Variants in PRC1 observed in about 807,000 individuals in gnomAD.
The protein encoded by PRC1 is protein regulator of cytokinesis 1, also known as anaphase spindle elongation 1 homolog.
In PRC1, 54 loss-of-function variants were observed where a neutral mutation model predicts 91.2. The observed-to-expected ratio is 0.59, with a 90% CI of 0.48 to 0.74. The LOEUF (loss-of-function observed/expected upper bound fraction) is 0.74, where lower values mean the gene tolerates loss of function less well. Ranked by LOEUF, PRC1 falls within the 30% of genes least tolerant of loss-of-function variation. PRC1 has a pLI of 0.00. For missense variants in PRC1, 727 were observed against 746.2 expected, an observed-to-expected ratio of 0.97 and a Z score of 0.30; for synonymous variants, 275 against 263.6, an observed-to-expected ratio of 1.04 and a Z score of -0.42.
chr15:90,970,355 C>A (rs1442756324), intron 12 of PRC1, 49 bp downstream of exon 12: 4 of 1,372,314 alleles, frequency 2.9e-6, no homozygotes, highest in Non-Finnish European at 4.1e-6. Context: ...TCTGGGTGAA[C>A]AGGCTAGGGA....
At position 90,976,665 on chromosome 15, in the gene PRC1, A is replaced by G. The variant is rs192254896; in HGVS notation, c.1203+11T>C. On this transcript the variant is annotated intron_variant, in intron 9 of 14. Transcript: ENST00000394249. ...TAACCAAGCATCAAAAACCCTTAGC[A>G]ACATTATTACCTTGGGCAGCATTTT... is the stretch of plus-strand genomic sequence containing the variant. The G allele has an allele frequency of 6.3e-6, 10 of 1,592,312 alleles. No individual in the cohort carries two copies. The highest frequency in any genetic ancestry group is 5.2e-6 in the Non-Finnish European group (6 of 1,161,974).
At chr15:90,985,221 G>A (rs974323664) in intron 1 of PRC1, among the ~76,000 whole-genome samples, 9 of 148,108 alleles carry the variant, frequency 6.1e-5, no homozygotes, top group African/African-American at 1.7e-4. Flanking sequence ...TTTTTTTGGT[G>A]TTTTTTTTTT....
Position 90,966,812 on chromosome 15 carries a change from G to A in PRC1, c.*319C>T, listed in dbSNP as rs752862153. On this transcript the variant is annotated 3_prime_UTR_variant, in exon 15 of 15. Coordinates refer to ENST00000394249, the MANE Select transcript of PRC1 (RefSeq NM_003981.4). Reference sequence around the variant, plus strand: ...CATAGTCAATCATTTTCCTACAGTGGTGAAATAAAACAAGCTTTGATCATG... The same window carrying A: ...CATAGTCAATCATTTTCCTACAGTGATGAAATAAAACAAGCTTTGATCATG... The A allele has an allele frequency of 3.2e-4, 145 of 453,350 alleles. 1 individual carries two copies. The highest frequency in any genetic ancestry group is 1.2e-3 in the Middle Eastern group (3 of 2,534). The allele number at this position is 453,350 out of a possible 1,614,324, so 28.1% of individuals were successfully genotyped here. A position where few individuals can be genotyped will look rare whatever the true frequency, so the allele number is the denominator to read the frequency against.
intron 9 of PRC1, among the ~76,000 whole-genome samples, chr15:90,975,590 C>G (rs147229419): frequency 7.1e-4 from 108 of 152,136 alleles, no homozygotes; most frequent in African/African-American, 2.5e-3. Context: ...AAAAGCTTTC[C>G]TCATGTAACT....
chr15:90,969,171 C>G, intron 13 of PRC1, 51 bp from the exon 14 acceptor site: 2 of 1,562,522 alleles, frequency 1.3e-6, no homozygotes, highest in Non-Finnish European at 8.8e-7. Flanking sequence ...AAGAGAGCAC[C>G]AGGACAGTGA....
chr15:90,991,779 C>A (rs1025728240), intron 1 of PRC1, among the ~76,000 whole-genome samples: 1 of 152,182 alleles, frequency 6.6e-6, no homozygotes, highest in Admixed American at 6.5e-5. Context: ...CAACTTCTTG[C>A]TGTATGGCAG....
chr15:90,993,070 C>CAAAAAAAAAAAAAAAAAAAAAA (rs67427806), intron 1 of PRC1, among the ~76,000 whole-genome samples: 1 of 30,920 alleles, frequency 3.2e-5, no homozygotes, highest in Non-Finnish European at 6.4e-5. Flanking sequence ...GACCCCGTCT[C>CAAAAAAAAAAAAAAAAAAAAAA]AAAAAAAAAA....
intron 11 of PRC1, among the ~76,000 whole-genome samples, chr15:90,971,644 T>G (rs570411132): frequency 6.6e-6 from 1 of 151,710 alleles, no homozygotes; most frequent in East Asian, 1.9e-4. Context: ...GTGGCTCATC[T>G]GAGGTCGGGA....
intron 14 of PRC1, chr15:90,968,092 T>TATCA (rs1185927486): frequency 3.0e-6 from 3 of 985,326 alleles, no homozygotes; most frequent in Non-Finnish European, 3.6e-6. Context: ...TGGTGGAGTC[T>TATCA]ATCAGCCATA....
At chr15:90,972,436 TTTTA>T (rs1337191108) in intron 11 of PRC1, among the ~76,000 whole-genome samples, 2 of 149,280 alleles carry the variant, frequency 1.3e-5, no homozygotes, top group African/African-American at 4.9e-5. Flanking sequence ...AATAATACTC[TTTTA>T]TTTATCAAAA....
intron 1 of PRC1, among the ~76,000 whole-genome samples, chr15:90,990,596 G>T (rs1253946647): frequency 6.6e-6 from 1 of 151,468 alleles, no homozygotes; most frequent in East Asian, 1.9e-4. Context: ...ACTGCTAATG[G>T]GATTTTAAAG....
At chr15:90,969,393 T>C in intron 13 of PRC1, 54 bp downstream of exon 13, 1 of 1,537,134 alleles carries the variant, frequency 6.5e-7, no homozygotes, top group Non-Finnish European at 8.8e-7. Flanking sequence ...ATACCCACTC[T>C]GCCCCAACTG....
Position 90,974,435 on chromosome 15 carries a change from C to CGTTCCACAAGCCCCGGTCCCCGGCTCCCA in PRC1, c.1350+149_1350+150insTGGGAGCCGGGGACCGGGGCTTGTGGAAC. 1.6e-6 allele frequency: 2 copies of CGTTCCACAAGCCCCGGTCCCCGGCTCCCA among 1,250,930 alleles called. No individual in the cohort carries two copies. 77.5% of individuals were successfully genotyped at this position (1,250,930 alleles called of 1,614,324 possible). ...CCACAAGCCCCGGTCCCCGGCTCCC[C>CGTTCCACAAGCCCCGGTCCCCGGCTCCCA]GTTCCACAAGCCCCGGTCCCCGGCT... On this transcript the variant is annotated intron_variant, in intron 10 of 14. Transcript: ENST00000394249. This position sits in a 1 kb window ranked among gnomAD's most constrained non-coding sequence, Gnocchi z 4.6.
At chr15:90,985,670 T>C (rs1046217521) in intron 1 of PRC1, 1 of 152,050 alleles carries the variant, frequency 6.6e-6, no homozygotes, top group Non-Finnish European at 1.5e-5. Flanking sequence ...GTGATTCTCC[T>C]GCTTCAGCCT....
chr15:90,966,403 G>A lies in PRC1; in HGVS notation c.*728C>T. On this transcript the variant is annotated 3_prime_UTR_variant, in exon 15 of 15. Transcript: ENST00000394249. ...CCCAATGTGGCTGGCAACTGCGGGG[G>A]TAGAAGAACTCAGGCAAAGTAGGCA... 2.9e-6 allele frequency: 1 copy of A among 344,910 alleles called. No homozygotes were observed. Among genetic ancestry groups the A allele is most frequent in the South Asian group, 2.2e-5 (1 of 46,420 alleles). The allele number at this position is 344,910 out of a possible 1,614,324, so 21.4% of individuals were successfully genotyped here. A position where few individuals can be genotyped will look rare whatever the true frequency, so the allele number is the denominator to read the frequency against.
rs141273674 is a variant in PRC1 at position 90,975,822 on chromosome 15, G to A, written c.1203+854C>T. On this transcript the variant is annotated intron_variant, in intron 9 of 14. Transcript: ENST00000394249. ...AACACAGCGAGACCCCATCTCTTGC[G>A]GGGGGAAAAAAGAAAGAATTAAGTT... Among the ~76,000 whole-genome samples, 99 of 152,080 alleles carry A rather than the reference G, an allele frequency of 6.5e-4. 1 individual carries two copies. The highest frequency in any genetic ancestry group is 1.6e-3 in the African/African-American group (66 of 41,486).
chr15:90,968,535 G>A (rs1192038332), intron 14 of PRC1: 15 of 991,252 alleles, frequency 1.5e-5, no homozygotes, highest in Non-Finnish European at 1.8e-5. Context: ...ACTAGGAAGT[G>A]AAGAGCATTC....
intron 1 of PRC1, among the ~76,000 whole-genome samples, chr15:90,989,833 T>C (rs905852767): frequency 6.6e-6 from 1 of 152,156 alleles, no homozygotes; most frequent in South Asian, 2.1e-4. Context: ...TCCGTTTTTA[T>C]GAAATATCCA....
rs146878209 is a variant in PRC1, at chr15:90,979,268, G to C, written c.997C>G (p.Leu333Val). 6.2e-7 allele frequency: 1 copy of C among 1,614,152 alleles called. No individual in the cohort carries two copies. The highest frequency in any genetic ancestry group is 1.7e-5 in the Admixed American group (1 of 60,016). ...AACCGCACAATCTCAGCATCGTGGA[G>C]CTGGAGCAGACTTTCTGTGTAGTCC... ...AEDYTESLLQ[L>V]HDAEIVRLKN... Residue 333 changes from leucine (L) to valine (V), a missense_variant, in exon 8 of 15, where the codon CTC becomes GTC. Physicochemically the swap from Leu to Val is conservative, Grantham distance 32 (BLOSUM62 1). Coordinates refer to ENST00000394249, the MANE Select transcript of PRC1 (RefSeq NM_003981.4).
Sources: gnomAD v4.1 joint callset for allele counts (sites outside exome capture counted in the v4.1 genomes callset) on GRCh38, gnomAD v4.1.1 for gene constraint, Gnocchi (gnomAD v3.1) non-coding constraint, MANE v1.5 for transcripts, NCBI Gene and HGNC (gene_info 2026-07-23, HGNC 2026-07-21) for gene names.